Variants in CSGALNACT1 observed in about 807,000 individuals in gnomAD.
The protein encoded by CSGALNACT1 is chondroitin sulfate N-acetylgalactosaminyltransferase 1, also known as beta4GalNAcT-1.
Under a neutral mutation model 51.0 loss-of-function variants are expected in CSGALNACT1, and 52 were observed. That is an observed-to-expected ratio of 1.02 (90% CI 0.82 to 1.29). The LOEUF (loss-of-function observed/expected upper bound fraction) is 1.29. Among genes scored for constraint, CSGALNACT1 ranks in the 50% most tolerant of loss-of-function variants. The pLI is 0.00. For synonymous variants in CSGALNACT1, 341 were observed against 254.4 expected, an observed-to-expected ratio of 1.34 and a Z score of -3.24; for missense variants, 935 against 679.2, an observed-to-expected ratio of 1.38 and a Z score of -4.19.
chr8:19,513,497 G>C (rs1411457660), intron 3 of CSGALNACT1, among the ~76,000 whole-genome samples: 5 of 144,176 alleles, frequency 3.5e-5, no homozygotes, highest in African/African-American at 5.1e-5. Flanking sequence ...AAGAAAATGA[G>C]TATATACAAC....
chr8:19,633,904 C>T (rs1250669582), intron 1 of CSGALNACT1, among the ~76,000 whole-genome samples: 1 of 152,112 alleles, frequency 6.6e-6, no homozygotes, highest in Non-Finnish European at 1.5e-5. Context: ...GACTGGGGCC[C>T]AACCTTGCTG....
chr8:19,511,484 T>C (rs1563822471), intron 3 of CSGALNACT1, among the ~76,000 whole-genome samples: 1 of 152,224 alleles, frequency 6.6e-6, no homozygotes, highest in Non-Finnish European at 1.5e-5. Context: ...AGGATTCTTA[T>C]TCAGAGTTTT....
chr8:19,528,764 C>T (rs1423344598), intron 3 of CSGALNACT1, among the ~76,000 whole-genome samples: 1 of 152,102 alleles, frequency 6.6e-6, no homozygotes, highest in Non-Finnish European at 1.5e-5. Context: ...AATAATAAAC[C>T]CAGCGTGTCC....
At chr8:19,658,756 A>C (rs950378786) in intron 1 of CSGALNACT1, among the ~76,000 whole-genome samples, 3 of 151,994 alleles carry the variant, frequency 2.0e-5, no homozygotes, top group East Asian at 1.9e-4. Flanking sequence ...ACAACAAAAA[A>C]CACCACCACC....
chr8:19,696,391 C>T (rs956266839), intron 1 of CSGALNACT1, among the ~76,000 whole-genome samples: 2 of 152,184 alleles, frequency 1.3e-5, no homozygotes, highest in African/African-American at 4.8e-5. Flanking sequence ...AAAGGCAGGC[C>T]TTCCCTCAAG....
At chr8:19,701,157 T>TTTTTTTTG (rs1554812763) in intron 1 of CSGALNACT1, among the ~76,000 whole-genome samples, 2 of 137,590 alleles carry the variant, frequency 1.5e-5, no homozygotes, top group African/African-American at 5.5e-5. Context: ...TTATCCGTTT[T>TTTTTTTTG]TTTTTTTTTT....
chr8:19,544,115 G>C (rs1343726712), intron 3 of CSGALNACT1, among the ~76,000 whole-genome samples: 3 of 149,932 alleles, frequency 2.0e-5, no homozygotes, highest in African/African-American at 7.4e-5. Flanking sequence ...CTGCTGTTTA[G>C]TTTATGGGAA....
At chr8:19,504,150 C>T (rs1300815779) in intron 4 of CSGALNACT1, among the ~76,000 whole-genome samples, 1 of 150,962 alleles carries the variant, frequency 6.6e-6, no homozygotes. Flanking sequence ...GATCTCGGCT[C>T]ACTGCAAGCT....
intron 4 of CSGALNACT1, among the ~76,000 whole-genome samples, chr8:19,482,060 T>C (rs532093573): frequency 1.1e-4 from 16 of 152,256 alleles, no homozygotes; most frequent in South Asian, 2.1e-4. Context: ...ATGACTCCGA[T>C]TAAATACACA....
At chr8:19,555,658 C>T (rs1033838902) in intron 3 of CSGALNACT1, among the ~76,000 whole-genome samples, 1 of 152,178 alleles carries the variant, frequency 6.6e-6, no homozygotes, top group African/African-American at 2.4e-5. Context: ...GTTTATTGCT[C>T]CCAACTATAC....
chr8:19,462,879 G>A (rs777827846), intron 4 of CSGALNACT1, among the ~76,000 whole-genome samples: 3 of 151,840 alleles, frequency 2.0e-5, no homozygotes, highest in Non-Finnish European at 4.4e-5. Flanking sequence ...TAAACTGCAT[G>A]TTGCAGGGGT....
chr8:19,649,355 C>T (rs1250219929), intron 1 of CSGALNACT1, among the ~76,000 whole-genome samples: 1 of 152,060 alleles, frequency 6.6e-6, no homozygotes, highest in African/African-American at 2.4e-5. Context: ...AAGATGGAAA[C>T]CAGAAGATTT....
chr8:19,587,740 C>T (rs553208633), intron 3 of CSGALNACT1: 1 of 152,212 alleles, frequency 6.6e-6, no homozygotes, highest in Non-Finnish European at 1.5e-5. Flanking sequence ...ACTCTCCAAC[C>T]TACGGGGCCT....
rs192352123 is a variant in CSGALNACT1 at position 19,431,633 on chromosome 8, T to C, written c.953+8197A>G. 1.7e-3 allele frequency among the ~76,000 whole-genome samples: 253 copies of C among 152,230 alleles called. 1 individual carries two copies. Among genetic ancestry groups the C allele is most frequent in the African/African-American group, 5.8e-3 (242 of 41,576 alleles). Reference sequence around the variant, plus strand: ...ACTGATCTATAGTTTTCTTTCCTTGTTCTGTCTTTGTCTGGTTAGGTTATC... The same window carrying C: ...ACTGATCTATAGTTTTCTTTCCTTGCTCTGTCTTTGTCTGGTTAGGTTATC... On this transcript the variant is annotated intron_variant, in intron 6 of 9. Transcript: ENST00000454498.
intron 8 of CSGALNACT1, among the ~76,000 whole-genome samples, chr8:19,414,594 T>TACAC (rs10555160): frequency 2.8e-4 from 42 of 150,728 alleles, no homozygotes; most frequent in Admixed American, 4.6e-4. Context: ...AACACACACA[T>TACAC]ACACACACAC....
chr8:19,640,077 A>C (rs1368663717), intron 1 of CSGALNACT1, among the ~76,000 whole-genome samples: 3 of 151,928 alleles, frequency 2.0e-5, no homozygotes, highest in Non-Finnish European at 4.4e-5. Context: ...CCACCTGCTG[A>C]TGAGACCTTT....
At position 19,521,731 on chromosome 8, in the gene CSGALNACT1, C is replaced by G. The variant is rs1248127525; in HGVS notation, c.-296-15601G>C. The stretch of plus-strand genomic sequence containing the variant: ...TGTACATTTCTGAGGATGGAGCTGC[C>G]ACTGAAAAATAACACACACAAGAGA... On this transcript the variant is annotated intron_variant, in intron 3 of 9. Transcript: ENST00000454498. Among the ~76,000 whole-genome samples the G allele has an allele frequency of 1.3e-5, 2 of 152,108 alleles. 1 individual carries two copies. The highest frequency in any genetic ancestry group is 1.3e-4 in the Admixed American group (2 of 15,258).
chr8:19,438,154 T>C (rs1433264547), intron 6 of CSGALNACT1, among the ~76,000 whole-genome samples: 2 of 137,842 alleles, frequency 1.5e-5, no homozygotes, highest in Non-Finnish European at 3.1e-5. Flanking sequence ...TACTTCAGAG[T>C]CACCTGGGGA....
chr8:19,576,118 T>C (rs7836563), intron 3 of CSGALNACT1, among the ~76,000 whole-genome samples: 8,758 of 152,148 alleles, frequency 0.058, 810 homozygotes, highest in African/African-American at 0.19. Flanking sequence ...CCTCTGATGA[T>C]AGAGCCCAGA....
Sources: gnomAD v4.1 joint callset for allele counts (sites outside exome capture counted in the v4.1 genomes callset) on GRCh38, gnomAD v4.1.1 for gene constraint, MANE v1.5 for transcripts, NCBI Gene and HGNC (gene_info 2026-07-23, HGNC 2026-07-21) for gene names.